KDM4C: variants seen among roughly 807,000 people sequenced by gnomAD.
The protein encoded by KDM4C is lysine demethylase 4C.
A neutral mutation model predicts 129.3 loss-of-function variants in KDM4C; 81 were observed. That is an observed-to-expected ratio of 0.63 (90% confidence interval 0.52 to 0.75). The LOEUF (loss-of-function observed/expected upper bound fraction) is 0.75, where lower values mean the gene tolerates loss of function less well. Ranked by LOEUF, KDM4C falls within the 30% of genes least tolerant of loss-of-function variation. The probability of loss-of-function intolerance (pLI) is 0.00; values close to 1 mark genes in which losing one functional copy is unlikely to be tolerated. For missense variants in KDM4C, 1,457 were observed against 1,304.0 expected, an observed-to-expected ratio of 1.12 and a Z score of -1.81; for synonymous variants, 573 against 456.1, an observed-to-expected ratio of 1.26 and a Z score of -3.26.
At chr9:6,936,852 A>G (rs1004620810) in intron 8 of KDM4C, among the ~76,000 whole-genome samples, 1 of 152,216 alleles carries the variant, frequency 6.6e-6, no homozygotes, top group African/African-American at 2.4e-5. Context: ...CTAAGGTAAT[A>G]AGACCTCCCC....
chr9:6,939,857 G>A (rs527242469), intron 8 of KDM4C, among the ~76,000 whole-genome samples: 10 of 152,264 alleles, frequency 6.6e-5, no homozygotes, highest in Middle Eastern at 6.8e-3. Flanking sequence ...TCTTGGCAGA[G>A]GAAATAACTG....
chr9:6,757,355 G>A (rs915692216), upstream of KDM4C, among the ~76,000 whole-genome samples: 1 of 152,218 alleles, frequency 6.6e-6, no homozygotes, highest in African/African-American at 2.4e-5. Flanking sequence ...GGCGGGACGT[G>A]CTGGGTGTAG....
At chr9:6,962,977 G>A (rs1050633039) in intron 8 of KDM4C, among the ~76,000 whole-genome samples, 10 of 152,116 alleles carry the variant, frequency 6.6e-5, no homozygotes, top group African/African-American at 2.4e-4. Flanking sequence ...TGATATAGTT[G>A]GTTTAAAATT....
rs1443561055 is a variant in KDM4C at position 6,986,588 on chromosome 9, G to C, written c.1599G>C (p.Glu533Asp). The C allele has an allele frequency of 6.2e-7, 1 of 1,614,014 alleles. No homozygotes were observed. The highest frequency in any genetic ancestry group is 1.3e-5 in the African/African-American group (1 of 74,908). ...CAGAGGGAGAAGAGAGTGATGTGGA[G>C]AGCCATGGGAATGGCCTTGAACCTG... ...VLTEGEESDV[E>D]SHGNGLEPGE... The change falls in exon 11 of 22, where the codon GAG becomes GAC. Residue 533 changes from glutamate (E) to aspartate (D), a missense_variant. Transcript: ENST00000381309.
chr9:6,852,750 C>A (rs906219759), intron 5 of KDM4C, among the ~76,000 whole-genome samples: 2 of 152,168 alleles, frequency 1.3e-5, no homozygotes, highest in African/African-American at 4.8e-5. Context: ...ATTCTACCTC[C>A]AGGTACCAGG....
At chr9:7,071,498 T>A (rs1273685166) in intron 17 of KDM4C, among the ~76,000 whole-genome samples, 1 of 152,196 alleles carries the variant, frequency 6.6e-6, no homozygotes, top group Non-Finnish European at 1.5e-5. Flanking sequence ...CCTATGGTCA[T>A]GTGTTTTTCA....
intron 18 of KDM4C, chr9:7,127,795 TTC>T (rs1276314662): frequency 4.9e-5 from 14 of 286,018 alleles, no homozygotes; most frequent in South Asian, 8.5e-5. Context: ...ACATATTGTT[TTC>T]TCTCTCTCTT....
chr9:6,818,708 C>T (rs534598141), intron 4 of KDM4C, among the ~76,000 whole-genome samples: 2 of 152,264 alleles, frequency 1.3e-5, no homozygotes, highest in East Asian at 3.9e-4. Context: ...ATGGGTGAGG[C>T]AGCTTAAGTA....
intron 1 of KDM4C, among the ~76,000 whole-genome samples, chr9:6,750,542 G>A (rs1002245384): frequency 5.9e-5 from 9 of 152,038 alleles, no homozygotes; most frequent in Admixed American, 5.9e-4. Context: ...ACCAAGTTCA[G>A]GAACAACTGA....
At chr9:7,052,910 T>TTGTACAGTGGGGTGCTTTA (rs1554718570) in intron 17 of KDM4C, among the ~76,000 whole-genome samples, 14,506 of 126,776 alleles carry the variant, frequency 0.11, 2,222 homozygotes, top group South Asian at 0.23. Context: ...AGCGAGCGAG[T>TTGTACAGTGGGGTGCTTTA]GCCCAAGGGA....
At chr9:7,072,158 A>G (rs1360068914) in intron 17 of KDM4C, among the ~76,000 whole-genome samples, 1 of 152,176 alleles carries the variant, frequency 6.6e-6, no homozygotes, top group African/African-American at 2.4e-5. Flanking sequence ...AGTGTCAAGT[A>G]GTGATGCTGA....
At chr9:7,047,016 T>C (rs1375376440) in intron 16 of KDM4C, 99 bp downstream of exon 16, 1 of 821,786 alleles carries the variant, frequency 1.2e-6, no homozygotes, top group Non-Finnish European at 2.0e-6. Flanking sequence ...GTACACGTGG[T>C]TTCAAAGCTT....
At chr9:6,928,769 G>A (rs1418671938) in intron 8 of KDM4C, among the ~76,000 whole-genome samples, 2 of 152,072 alleles carry the variant, frequency 1.3e-5, no homozygotes, top group African/African-American at 4.8e-5. Context: ...TAACTACCTT[G>A]GAGGTTGATG....
At chr9:7,015,781 TCA>T in intron 14 of KDM4C, 70 bp from the exon 15 acceptor site, 1 of 1,009,786 alleles carries the variant, frequency 9.9e-7, no homozygotes, top group Non-Finnish European at 1.6e-6. Flanking sequence ...TTTATTTATT[TCA>T]GTACTGAGAT....
Position 6,818,701 on chromosome 9 carries a change from G to C in KDM4C, c.435+3956G>C, listed in dbSNP as rs1832545289. ...CTTCTGTGCGATTTCCATTGGAATG[G>C]GTGAGGCAGCTTAAGTACTGTTGGC... On this transcript the variant is annotated intron_variant, in intron 4 of 21. Transcript: ENST00000381309. Among the ~76,000 whole-genome samples, 3 of 152,142 alleles carry C rather than the reference G, an allele frequency of 2.0e-5. No homozygotes were observed. The South Asian group carries it at 6.2e-4, about 31-fold the overall frequency.
chr9:6,815,296 T>G (rs1831877685), intron 4 of KDM4C: 1 of 152,192 alleles, frequency 6.6e-6, no homozygotes, highest in African/African-American at 2.4e-5. Context: ...CCTGATATTT[T>G]AAAACCCTAA....
At chr9:6,803,969 C>G (rs1244229238) in intron 2 of KDM4C, among the ~76,000 whole-genome samples, 2 of 152,008 alleles carry the variant, frequency 1.3e-5, no homozygotes, top group African/African-American at 2.4e-5. Context: ...ATTACAGGTG[C>G]CTGTCACCAC....
intron 8 of KDM4C, among the ~76,000 whole-genome samples, chr9:6,934,166 T>C (rs1824276988): frequency 7.2e-6 from 1 of 137,932 alleles, no homozygotes; most frequent in South Asian, 2.6e-4. Context: ...GTCTTCCTGA[T>C]TGTAAAAAAA....
intron 1 of KDM4C, among the ~76,000 whole-genome samples, chr9:6,765,108 A>C (rs562253230): frequency 2.0e-5 from 3 of 152,288 alleles, no homozygotes; most frequent in East Asian, 3.9e-4. Flanking sequence ...TCTTTCCAGC[A>C]TGATCTTTAA....
Sources: gnomAD v4.1 joint callset for allele counts (sites outside exome capture counted in the v4.1 genomes callset) on GRCh38, gnomAD v4.1.1 for gene constraint, MANE v1.5 for transcripts, NCBI Gene and HGNC (gene_info 2026-07-23, HGNC 2026-07-21) for gene names.